The following PCOLCE2 variants were observed in gnomAD, a reference collection of about 807,000 sequenced individuals.
The protein encoded by PCOLCE2 is procollagen C-endopeptidase enhancer 2.
In PCOLCE2, 42 loss-of-function variants were observed where a neutral mutation model predicts 47.0. The observed-to-expected ratio is 0.89, with a 90% CI of 0.70 to 1.16. The LOEUF is 1.16. PCOLCE2 is among the 50% of genes most tolerant of loss of function. The probability of loss-of-function intolerance (pLI) is 0.00; values close to 1 mark genes in which losing one functional copy is unlikely to be tolerated. For missense variants in PCOLCE2, 500 were observed against 526.1 expected (o/e 0.95, Z 0.49); for synonymous variants, 169 against 191.7 (o/e 0.88, Z 0.98).
chr3:142,838,955 A>G, intron 4 of PCOLCE2, 49 bp from the exon 5 acceptor site: 2 of 1,415,828 alleles, frequency 1.4e-6, no homozygotes, highest in Non-Finnish European at 2.0e-6. Context: ...GCATTGTTGA[A>G]TAACCTCAAA....
intron 8 of PCOLCE2, 72 bp from the exon 9 acceptor site, chr3:142,818,537 T>TGTTTC: frequency 1.8e-6 from 2 of 1,088,024 alleles, no homozygotes; most frequent in Non-Finnish European, 2.8e-6. Context: ...GACTGTAAGT[T>TGTTTC]ACCTCTAGAT....
intron 2 of PCOLCE2, among the ~76,000 whole-genome samples, chr3:142,850,623 T>C (rs1166442509): frequency 6.6e-6 from 1 of 152,140 alleles, no homozygotes; most frequent in Non-Finnish European, 1.5e-5. Context: ...ACCAGTGGAT[T>C]TAGCAACACA....
chr3:142,818,451 T>C lies in PCOLCE2; in HGVS notation c.1132A>G (p.Ile378Val). Residue 378 changes from isoleucine to valine, a missense_variant, in exon 9 of 9, where the codon ATT becomes GTT. Transcript: ENST00000295992. ...CCATCTTCACCTACTTGGCCCATAA[T>C]AATGTAATTTAGACCTAAAGAAAGA... ...PLLRRGLNYI[I>V]MGQVGEDGRG... is the part of the protein sequence containing the mutation. 6.2e-7 allele frequency: 1 copy of C among 1,611,584 alleles called. No homozygotes were observed. Among genetic ancestry groups the C allele is most frequent in the Non-Finnish European group, 8.5e-7 (1 of 1,177,748 alleles).
chr3:142,822,655 T>C (rs866040042), intron 7 of PCOLCE2, among the ~76,000 whole-genome samples: 1 of 152,298 alleles, frequency 6.6e-6, no homozygotes, highest in South Asian at 2.1e-4. Flanking sequence ...AGCAATTACA[T>C]GTGGCGTTGT....
At chr3:142,846,067 T>C (rs539979985) in intron 3 of PCOLCE2, among the ~76,000 whole-genome samples, 47 of 152,370 alleles carry the variant, frequency 3.1e-4, no homozygotes, top group Admixed American at 7.2e-4. Flanking sequence ...GTATGGAATT[T>C]AGTTTCATCT....
intron 3 of PCOLCE2, among the ~76,000 whole-genome samples, chr3:142,844,025 TCTA>T: frequency 6.6e-6 from 1 of 152,200 alleles, no homozygotes; most frequent in Non-Finnish European, 1.5e-5. Flanking sequence ...TATTATTCTA[TCTA>T]TATTGCCACC....
At chr3:142,820,144 T>C (rs1219029385) in intron 8 of PCOLCE2, among the ~76,000 whole-genome samples, 1 of 151,716 alleles carries the variant, frequency 6.6e-6, no homozygotes. Context: ...TCTCACTACA[T>C]CACCCAGCCT....
intron 2 of PCOLCE2, among the ~76,000 whole-genome samples, chr3:142,867,955 T>C (rs139471461): frequency 8.4e-4 from 128 of 152,308 alleles, no homozygotes; most frequent in African/African-American, 3.0e-3. Flanking sequence ...CTGAGATGTC[T>C]GAGAAAACTG....
chr3:142,831,880 T>A (rs1937156247), intron 5 of PCOLCE2, among the ~76,000 whole-genome samples: 1 of 152,208 alleles, frequency 6.6e-6, no homozygotes, highest in Admixed American at 6.5e-5. Context: ...AACAAAGACA[T>A]ATTTTTGTTC....
At chr3:142,859,654 C>T (rs909356537) in intron 2 of PCOLCE2, among the ~76,000 whole-genome samples, 1 of 151,900 alleles carries the variant, frequency 6.6e-6, no homozygotes, top group African/African-American at 2.4e-5. Flanking sequence ...CAACCTCTGC[C>T]TCCCAGGTTC....
intron 2 of PCOLCE2, among the ~76,000 whole-genome samples, chr3:142,863,536 G>A (rs563818660): frequency 6.6e-5 from 10 of 152,178 alleles, no homozygotes; most frequent in South Asian, 2.1e-4. Flanking sequence ...AGAAAACAAC[G>A]TCTGAGGCCA....
intron 2 of PCOLCE2, among the ~76,000 whole-genome samples, chr3:142,854,304 T>C (rs990460639): frequency 2.6e-5 from 4 of 151,938 alleles, no homozygotes; most frequent in Non-Finnish European, 5.9e-5. Context: ...CAGACCACAG[T>C]TGATCTACGT....
intron 2 of PCOLCE2, among the ~76,000 whole-genome samples, chr3:142,862,590 C>T (rs973124498): frequency 2.0e-5 from 3 of 152,134 alleles, no homozygotes; most frequent in Admixed American, 1.3e-4. Flanking sequence ...CGAGAAGCCA[C>T]TGAGGTGATC....
rs1394040670 is a variant in PCOLCE2, at chr3:142,838,833, AAC to A, written c.645_646del (p.Phe216Ter). ...AGCATCGTTGACTTCCCCGCCATTA[AAC>A]ACAGCCACATAATCATATCGGCAGT... is the stretch of plus-strand genomic sequence containing the variant. On this transcript the variant is annotated frameshift_variant, in exon 5 of 9. Coordinates refer to ENST00000295992, the MANE Select transcript of PCOLCE2 (RefSeq NM_013363.4). LOFTEE classifies it high-confidence loss of function. 1 of 1,613,572 alleles carries A rather than the reference AAC, an allele frequency of 6.2e-7. No individual in the cohort carries two copies. Among genetic ancestry groups the A allele is most frequent in the African/African-American group, 1.3e-5 (1 of 74,912 alleles).
chr3:142,871,145 C>G (rs549315868), intron 2 of PCOLCE2, among the ~76,000 whole-genome samples: 1 of 152,126 alleles, frequency 6.6e-6, no homozygotes, highest in Non-Finnish European at 1.5e-5. Context: ...TCTTTTTTCT[C>G]TTACACCCCT....
At chr3:142,820,171 G>A (rs994927274) in intron 8 of PCOLCE2, among the ~76,000 whole-genome samples, 2 of 151,688 alleles carry the variant, frequency 1.3e-5, no homozygotes, top group African/African-American at 2.4e-5. Flanking sequence ...GAACTTCTGG[G>A]CTCAAGCAAT....
At chr3:142,859,707 A>G (rs1933142767) in intron 2 of PCOLCE2, among the ~76,000 whole-genome samples, 1 of 152,070 alleles carries the variant, frequency 6.6e-6, no homozygotes, top group Middle Eastern at 3.2e-3. Context: ...CTGGGACTAC[A>G]GGCACACGCC....
At chr3:142,849,556 A>G (rs1393043878) in intron 2 of PCOLCE2, among the ~76,000 whole-genome samples, 2 of 152,202 alleles carry the variant, frequency 1.3e-5, no homozygotes, top group Non-Finnish European at 2.9e-5. Flanking sequence ...AAATGGCTAT[A>G]AAAGCATTTG....
At chr3:142,852,043 C>T (rs946825220) in intron 2 of PCOLCE2, among the ~76,000 whole-genome samples, 2 of 152,220 alleles carry the variant, frequency 1.3e-5, no homozygotes, top group Non-Finnish European at 2.9e-5. Flanking sequence ...CAATTTTGAA[C>T]ACATGCTGAC....
Sources: gnomAD v4.1 joint callset for allele counts (sites outside exome capture counted in the v4.1 genomes callset) on GRCh38, gnomAD v4.1.1 for gene constraint, MANE v1.5 for transcripts, NCBI Gene and HGNC (gene_info 2026-07-23, HGNC 2026-07-21) for gene names.